The following TRIM9 variants were observed in gnomAD, a reference collection of about 807,000 sequenced individuals.
TRIM9 encodes the protein E3 ubiquitin-protein ligase TRIM9.
Under a neutral mutation model 78.3 loss-of-function variants are expected in TRIM9, and 26 were observed. The observed-to-expected ratio is 0.33, with a 90% confidence interval of 0.24 to 0.46. TRIM9 has a LOEUF of 0.46. TRIM9 is among the 20% of genes least tolerant of loss of function. The pLI is 1.00. For synonymous variants in TRIM9, 398 were observed against 416.5 expected (o/e 0.96, Z 0.54); for missense variants, 787 against 1,036.4 (o/e 0.76, Z 3.30).
At chr14:50,989,375 C>T (rs1596108414) in intron 7 of TRIM9, among the ~76,000 whole-genome samples, 1 of 152,196 alleles carries the variant, frequency 6.6e-6, no homozygotes, top group Non-Finnish European at 1.5e-5. Context: ...ACTTCCTCAC[C>T]TCCCCTTCAA....
chr14:51,039,809 C>G (rs1015134630), intron 1 of TRIM9, among the ~76,000 whole-genome samples: 1 of 151,654 alleles, frequency 6.6e-6, no homozygotes, highest in African/African-American at 2.4e-5. Flanking sequence ...TGCAGTGGCG[C>G]GATCTCAGCT....
intron 1 of TRIM9, among the ~76,000 whole-genome samples, chr14:51,031,998 C>T (rs1040487781): frequency 6.6e-6 from 1 of 152,212 alleles, no homozygotes; most frequent in Non-Finnish European, 1.5e-5. Flanking sequence ...CACACTGTTA[C>T]ATAGAATCCC....
chr14:51,032,103 A>T (rs2058780878), intron 1 of TRIM9, among the ~76,000 whole-genome samples: 1 of 152,232 alleles, frequency 6.6e-6, no homozygotes, highest in African/African-American at 2.4e-5. Flanking sequence ...TTTTTAAATA[A>T]TAATTTAAGT....
At chr14:51,081,197 A>T (rs1371311394) in intron 1 of TRIM9, among the ~76,000 whole-genome samples, 1 of 152,258 alleles carries the variant, frequency 6.6e-6, no homozygotes, top group Non-Finnish European at 1.5e-5. Flanking sequence ...GACTTTAAAT[A>T]GACATTTCTC....
chr14:51,033,464 T>C (rs760437714), intron 1 of TRIM9, among the ~76,000 whole-genome samples: 6 of 152,242 alleles, frequency 3.9e-5, no homozygotes, highest in African/African-American at 9.6e-5. Flanking sequence ...TGTCATACCA[T>C]GTCTTGACTG....
At chr14:51,030,095 C>T (rs1371001740) in intron 1 of TRIM9, among the ~76,000 whole-genome samples, 1 of 152,198 alleles carries the variant, frequency 6.6e-6, no homozygotes, top group Non-Finnish European at 1.5e-5. Flanking sequence ...TTGAAAAAGT[C>T]CCCTAAGAGA....
chr14:50,984,654 G>A (rs2052454018), intron 8 of TRIM9, among the ~76,000 whole-genome samples: 1 of 152,180 alleles, frequency 6.6e-6, no homozygotes, highest in Admixed American at 6.5e-5. Flanking sequence ...CATGCCTTGT[G>A]CAACTCTTTT....
At chr14:50,980,401 C>T (rs878897383) in intron 11 of TRIM9, among the ~76,000 whole-genome samples, 1 of 152,164 alleles carries the variant, frequency 6.6e-6, no homozygotes, top group Admixed American at 6.5e-5. Flanking sequence ...GAACTTCGTC[C>T]TCATCTCAGC....
rs923231828 is a variant in TRIM9, at chr14:50,985,652, T to C, written c.1792+304A>G. Among the ~76,000 whole-genome samples, 7 of 152,230 alleles carry C rather than the reference T, an allele frequency of 4.6e-5. No homozygotes were observed. The East Asian group carries it at 9.6e-4, about 21-fold the overall frequency. On this transcript the variant is annotated intron_variant, in intron 8 of 12. Transcript: ENST00000684578. ...CAGCGCCCGTGCCGTGCTATGCCAC[T>C]GCATGTGATGACAGAGCGGGTTATC...
intron 2 of TRIM9, among the ~76,000 whole-genome samples, chr14:51,024,325 C>T (rs2058030814): frequency 1.3e-5 from 2 of 152,086 alleles, no homozygotes; most frequent in South Asian, 4.1e-4. Context: ...AGGAAGTATA[C>T]AAAACTGCTA....
chr14:51,042,738 G>C (rs1322911444), intron 1 of TRIM9, among the ~76,000 whole-genome samples: 1 of 152,146 alleles, frequency 6.6e-6, no homozygotes, highest in Non-Finnish European at 1.5e-5. Context: ...CTTATTTGCA[G>C]GTAGGGGTGG....
intron 1 of TRIM9, among the ~76,000 whole-genome samples, chr14:51,068,643 G>C (rs1046507345): frequency 6.6e-6 from 1 of 152,154 alleles, no homozygotes; most frequent in African/African-American, 2.4e-5. Flanking sequence ...GCATACCTTG[G>C]AGCCTAAGCT....
chr14:51,046,599 G>A lies in TRIM9; in HGVS notation c.823-21239C>T, dbSNP rs139052661. Among the ~76,000 whole-genome samples the A allele has an allele frequency of 2.3e-3, 346 of 152,218 alleles. 2 individuals carry two copies. The highest frequency in any genetic ancestry group is 7.4e-3 in the African/African-American group (308 of 41,524). ...TACTCTTGGTCTTCTATTCTATAAT[G>A]GAGAATTTTAAAAATTTCATTCTCA... On this transcript the variant is annotated intron_variant, in intron 1 of 12. Coordinates refer to ENST00000684578, the MANE Select transcript of TRIM9 (RefSeq NM_001387360.1).
At chr14:51,042,138 C>T (rs2059622566) in intron 1 of TRIM9, among the ~76,000 whole-genome samples, 1 of 152,180 alleles carries the variant, frequency 6.6e-6, no homozygotes, top group Admixed American at 6.5e-5. Context: ...AATCAACTCC[C>T]TCACTCCAGC....
At chr14:51,010,543 G>GA in intron 3 of TRIM9, 49 bp from the exon 4 acceptor site, 1 of 1,392,836 alleles carries the variant, frequency 7.2e-7, no homozygotes, top group Non-Finnish European at 1.0e-6. Flanking sequence ...GCAGAGGGTA[G>GA]AAGAGAAGCA....
Position 50,976,559 on chromosome 14 carries a change from A to G in TRIM9, c.*732T>C, listed in dbSNP as rs1020552909. The G allele has an allele frequency of 1.3e-5, 2 of 152,634 alleles. No individual in the cohort carries two copies. Among genetic ancestry groups the G allele is most frequent in the African/African-American group, 4.8e-5 (2 of 41,448 alleles). 9.5% of individuals were successfully genotyped at this position (152,634 alleles called of 1,614,324 possible). A position where few individuals can be genotyped will look rare whatever the true frequency, so the allele number is the denominator to read the frequency against. On this transcript the variant is annotated 3_prime_UTR_variant, in exon 13 of 13. Transcript: ENST00000684578. ...TCTCAATTAAAAGCTTTTATTAAAT[A>G]AACGAACCAAATCATTAAGTCCCCT... is the stretch of plus-strand genomic sequence containing the variant.
intron 12 of TRIM9, among the ~76,000 whole-genome samples, chr14:50,978,568 C>T (rs888487281): frequency 6.6e-6 from 1 of 152,206 alleles, no homozygotes; most frequent in Non-Finnish European, 1.5e-5. Context: ...CCGGTAACTG[C>T]GATAAGCCCT....
intron 5 of TRIM9, among the ~76,000 whole-genome samples, chr14:51,006,593 G>A (rs1204487066): frequency 6.6e-6 from 1 of 152,126 alleles, no homozygotes; most frequent in African/African-American, 2.4e-5. Flanking sequence ...ACAAAGCAAA[G>A]CATATAAATT....
intron 1 of TRIM9, among the ~76,000 whole-genome samples, chr14:51,067,768 C>G (rs2061872774): frequency 6.6e-6 from 1 of 152,180 alleles, no homozygotes; most frequent in African/African-American, 2.4e-5. Context: ...TGAGACAAAG[C>G]AACCTCCTTA....
Sources: gnomAD v4.1 joint callset for allele counts (sites outside exome capture counted in the v4.1 genomes callset) on GRCh38, gnomAD v4.1.1 for gene constraint, MANE v1.5 for transcripts, NCBI Gene and HGNC (gene_info 2026-07-23, HGNC 2026-07-21) for gene names.